KALRN: variants seen among roughly 807,000 people sequenced by gnomAD.
KALRN encodes the protein kalirin RhoGEF kinase, also known as kalirin.
In KALRN, 70 loss-of-function variants were observed where a neutral mutation model predicts 353.7. That is an observed-to-expected ratio of 0.20 (90% CI 0.16 to 0.24). KALRN has a LOEUF of 0.24. Ranked by LOEUF, KALRN falls within the 10% of genes least tolerant of loss-of-function variation. The pLI, the probability that KALRN is intolerant of heterozygous loss-of-function variation, is 1.00. For missense variants in KALRN, 2,791 were observed against 3,756.7 expected, an observed-to-expected ratio of 0.74 and a Z score of 6.72; for synonymous variants, 1,391 against 1,434.8, an observed-to-expected ratio of 0.97 and a Z score of 0.69.
intron 5 of KALRN, among the ~76,000 whole-genome samples, chr3:124,270,824 G>GTTTTTTTTTTTTTTTTTTTTTTTTTTTTT (rs777615656): frequency 1.1e-4 from 9 of 78,648 alleles, no homozygotes; most frequent in African/African-American, 2.1e-4. Flanking sequence ...TTTTTGTTTT[G>GTTTTTTTTTTTTTTTTTTTTTTTTTTTTT]TTTTTTTTTT....
intron 33 of KALRN, chr3:124,504,846 C>G (rs1054864537): frequency 2.1e-6 from 1 of 476,220 alleles, no homozygotes; most frequent in African/African-American, 2.0e-5. Context: ...AAATTGAAAT[C>G]CACTTTATTA....
chr3:124,135,922 A>G (rs2065869753), intron 1 of KALRN, among the ~76,000 whole-genome samples: 1 of 152,204 alleles, frequency 6.6e-6, no homozygotes, highest in Non-Finnish European at 1.5e-5. Flanking sequence ...ATAGTCCTTC[A>G]AGGGACTGTT....
intron 49 of KALRN, among the ~76,000 whole-genome samples, chr3:124,676,240 T>C (rs1361980696): frequency 2.6e-5 from 4 of 152,204 alleles, no homozygotes; most frequent in African/African-American, 9.6e-5. Flanking sequence ...AGAGAGCAGA[T>C]TGAAATACAA....
At chr3:124,416,777 G>A (rs181150211) in intron 14 of KALRN, among the ~76,000 whole-genome samples, 83 of 152,344 alleles carry the variant, frequency 5.4e-4, no homozygotes, top group African/African-American at 2.0e-3. Flanking sequence ...GGCAATAAAT[G>A]GCTTGGGGAT....
At chr3:124,335,599 G>A (rs2081059730) in intron 9 of KALRN, among the ~76,000 whole-genome samples, 1 of 152,090 alleles carries the variant, frequency 6.6e-6, no homozygotes, top group South Asian at 2.1e-4. Context: ...TGGGGACTGA[G>A]ATCCAGGCTC....
At chr3:124,405,839 T>C (rs2091475922) in intron 13 of KALRN, among the ~76,000 whole-genome samples, 1 of 151,948 alleles carries the variant, frequency 6.6e-6, no homozygotes, top group African/African-American at 2.4e-5. Flanking sequence ...AGAGATGAGG[T>C]TTCACTGTGT....
chr3:124,641,213 G>A (rs376217188), intron 37 of KALRN, among the ~76,000 whole-genome samples: 76 of 152,256 alleles, frequency 5.0e-4, no homozygotes, highest in Middle Eastern at 3.4e-3. Flanking sequence ...TAAAACTCCC[G>A]AAGAGTCACC....
intron 6 of KALRN, among the ~76,000 whole-genome samples, chr3:124,325,055 A>G (rs2079737771): frequency 6.6e-6 from 1 of 152,188 alleles, no homozygotes; most frequent in Non-Finnish European, 1.5e-5. Context: ...CATAATCACT[A>G]CTGTCTTATG....
chr3:124,162,303 G>A (rs1251635369), intron 1 of KALRN: 1 of 152,134 alleles, frequency 6.6e-6, no homozygotes, highest in Non-Finnish European at 1.5e-5. Flanking sequence ...AAAAGAAAGA[G>A]CTCACTGCCT....
At chr3:124,391,632 A>G in intron 11 of KALRN, among the ~76,000 whole-genome samples, 1 of 152,202 alleles carries the variant, frequency 6.6e-6, no homozygotes, top group East Asian at 1.9e-4. Context: ...AGATAGAAAA[A>G]TTACAGCCTA....
chr3:124,297,347 T>A (rs12107411), intron 5 of KALRN, among the ~76,000 whole-genome samples: 1 of 152,096 alleles, frequency 6.6e-6, no homozygotes, highest in Non-Finnish European at 1.5e-5. Flanking sequence ...CCCAAATGGA[T>A]TGTGAGGCTT....
chr3:124,453,484 G>C (rs549283242), intron 21 of KALRN, among the ~76,000 whole-genome samples: 4 of 152,224 alleles, frequency 2.6e-5, no homozygotes, highest in African/African-American at 9.6e-5. Flanking sequence ...CTCATGGGAG[G>C]GGCTGTAGAT....
At chr3:124,335,569 G>C (rs544906597) in intron 9 of KALRN, among the ~76,000 whole-genome samples, 26 of 152,010 alleles carry the variant, frequency 1.7e-4, no homozygotes, top group Non-Finnish European at 3.4e-4. Context: ...ATACTAGTGT[G>C]GGGGGAGCTG....
chr3:124,432,092 G>GA (rs763040584), intron 16 of KALRN, among the ~76,000 whole-genome samples: 11 of 152,032 alleles, frequency 7.2e-5, no homozygotes, highest in Non-Finnish European at 1.3e-4. Context: ...TCACTATAAA[G>GA]AAAAAATCAG....
At chr3:124,555,981 A>C (rs550493307) in intron 33 of KALRN, among the ~76,000 whole-genome samples, 3 of 152,342 alleles carry the variant, frequency 2.0e-5, no homozygotes, top group African/African-American at 7.2e-5. Context: ...ATCAAATATT[A>C]AAACTGGAAG....
chr3:124,216,357 C>T (rs1579505975), intron 1 of KALRN, among the ~76,000 whole-genome samples: 2 of 152,312 alleles, frequency 1.3e-5, no homozygotes, highest in South Asian at 4.1e-4. Flanking sequence ...CTTGTAGACT[C>T]TCACTATGAC....
At chr3:124,320,983 G>A (rs923219972) in intron 6 of KALRN, among the ~76,000 whole-genome samples, 2 of 152,166 alleles carry the variant, frequency 1.3e-5, no homozygotes, top group African/African-American at 4.8e-5. Context: ...TTTGCCTCTT[G>A]TTGGAATCAT....
chr3:124,315,478 A>G (rs1191125243), intron 6 of KALRN, among the ~76,000 whole-genome samples: 1 of 152,076 alleles, frequency 6.6e-6, no homozygotes, highest in African/African-American at 2.4e-5. Context: ...TTTATTGCTT[A>G]TCCCCTTCAG....
Position 124,423,154 on chromosome 3 carries a change from C to A in KALRN, c.2709+176C>A, listed in dbSNP as rs983595084. 7.2e-5 allele frequency among the ~76,000 whole-genome samples: 11 copies of A among 152,298 alleles called. 1 individual carries two copies. The highest frequency in any genetic ancestry group is 5.9e-4 in the Admixed American group (9 of 15,304). On this transcript the variant is annotated intron_variant, in intron 15 of 59. Transcript: ENST00000682506. ...GTATTAGTTTCTGAAAGCTTGGCTG[C>A]GGTAACAAATAGACCCAGTGATACA...
Sources: allele counts gnomAD v4.1 joint callset (sites outside exome capture counted in the v4.1 genomes callset), GRCh38; gene constraint gnomAD v4.1.1; transcripts MANE v1.5; gene names NCBI Gene and HGNC (gene_info 2026-07-23, HGNC 2026-07-21).